The following PLSCR4 variants were observed in gnomAD, a reference collection of about 807,000 sequenced individuals.
PLSCR4 encodes Ca(2+)-dependent phospholipid scramblase 4.
Under a neutral mutation model 36.3 loss-of-function variants are expected in PLSCR4, and 25 were observed. The observed-to-expected ratio is 0.69, with a 90% CI of 0.50 to 0.96. The LOEUF (loss-of-function observed/expected upper bound fraction) is 0.96, where lower values mean the gene tolerates loss of function less well. PLSCR4 is among the 40% of genes least tolerant of loss of function. The probability of loss-of-function intolerance (pLI) is 0.00; values close to 1 mark genes in which losing one functional copy is unlikely to be tolerated. For synonymous variants in PLSCR4, 122 were observed against 132.9 expected (o/e 0.92, Z 0.56); for missense variants, 408 against 414.7 (o/e 0.98, Z 0.14).
At chr3:146,225,563 C>A (rs57294001) in intron 1 of PLSCR4, among the ~76,000 whole-genome samples, 1 of 151,816 alleles carries the variant, frequency 6.6e-6, no homozygotes, top group Non-Finnish European at 1.5e-5. Flanking sequence ...GCAGCAGGTC[C>A]CGAGCCCCGC....
chr3:146,221,901 T>C (rs1351261727), intron 2 of PLSCR4, among the ~76,000 whole-genome samples, 164 bp downstream of exon 2: 1 of 151,844 alleles, frequency 6.6e-6, no homozygotes, highest in Non-Finnish European at 1.5e-5. Context: ...TATACATAAA[T>C]AACAAATATA....
chr3:146,219,016 C>T (rs2035017565), intron 3 of PLSCR4, among the ~76,000 whole-genome samples: 1 of 152,138 alleles, frequency 6.6e-6, no homozygotes, highest in Non-Finnish European at 1.5e-5. Flanking sequence ...AATTCAAGTA[C>T]AGATTTCAAG....
At chr3:146,224,100 A>T (rs2035319054) in intron 1 of PLSCR4, among the ~76,000 whole-genome samples, 1 of 151,934 alleles carries the variant, frequency 6.6e-6, no homozygotes, top group Admixed American at 6.6e-5. Context: ...ACAGCTTTCT[A>T]GAAATTTAGA....
intron 1 of PLSCR4, among the ~76,000 whole-genome samples, chr3:146,228,602 T>C (rs1047296416): frequency 3.9e-5 from 6 of 152,190 alleles, no homozygotes; most frequent in African/African-American, 7.2e-5. Flanking sequence ...ACAATACTTA[T>C]ATTATTCAGA....
At chr3:146,221,109 C>A (rs1425389799) in intron 2 of PLSCR4, among the ~76,000 whole-genome samples, 184 bp from the exon 3 acceptor site, 1 of 152,092 alleles carries the variant, frequency 6.6e-6, no homozygotes, top group South Asian at 2.1e-4. Flanking sequence ...CATGAATTTT[C>A]AAACTGAACA....
In PLSCR4 at chr3:146,194,369, A is replaced by AT; in HGVS notation, c.*41dup. ...ACTGTAAGCCCAATCCAACTTTTCCATTTTTCAAAATTAACCATAGTTGAT... is the reference window on the plus strand; with the variant it reads ...ACTGTAAGCCCAATCCAACTTTTCCATTTTTTCAAAATTAACCATAGTTGAT... On this transcript the variant is annotated 3_prime_UTR_variant, in exon 9 of 9. Transcript: ENST00000354952. The AT allele has an allele frequency of 6.9e-7, 1 of 1,443,980 alleles. No homozygotes were observed. Among genetic ancestry groups the AT allele is most frequent in the Non-Finnish European group, 9.7e-7 (1 of 1,026,756 alleles). 89.4% of individuals were successfully genotyped at this position (1,443,980 alleles called of 1,614,324 possible).
At chr3:146,249,426 T>A (rs1313420517) in intron 1 of PLSCR4, among the ~76,000 whole-genome samples, 1 of 152,118 alleles carries the variant, frequency 6.6e-6, no homozygotes, top group African/African-American at 2.4e-5. Context: ...CACCCAGTGA[T>A]TTAAAATGTA....
At chr3:146,229,948 G>T (rs2035640441) in intron 1 of PLSCR4, among the ~76,000 whole-genome samples, 1 of 152,222 alleles carries the variant, frequency 6.6e-6, no homozygotes, top group Non-Finnish European at 1.5e-5. Context: ...ATAATAAAAT[G>T]TTAATTGTAA....
intron 1 of PLSCR4, among the ~76,000 whole-genome samples, chr3:146,243,236 A>G (rs562208348): frequency 6.6e-6 from 1 of 151,968 alleles, no homozygotes; most frequent in African/African-American, 2.4e-5. Context: ...AACTGTATAC[A>G]TCTTTTTTTT....
At chr3:146,246,340 T>C (rs2036337683) in intron 1 of PLSCR4, among the ~76,000 whole-genome samples, 1 of 152,090 alleles carries the variant, frequency 6.6e-6, no homozygotes, top group Non-Finnish European at 1.5e-5. Context: ...ATATATTTAT[T>C]ATTTTATTAA....
chr3:146,210,986 G>T (rs1039056533), intron 3 of PLSCR4, among the ~76,000 whole-genome samples: 1 of 151,928 alleles, frequency 6.6e-6, no homozygotes, highest in African/African-American at 2.4e-5. Context: ...TCAGTCAATG[G>T]ACATTTAGGT....
rs368949018 is a variant in PLSCR4 at position 146,196,666 on chromosome 3, G to A, written c.752C>T (p.Ser251Leu). 3.0e-5 allele frequency: 48 copies of A among 1,613,804 alleles called. No individual in the cohort carries two copies. Among genetic ancestry groups the A allele is most frequent in the Non-Finnish European group, 3.7e-5 (44 of 1,179,884 alleles). ...ENVMRVRGPCSTYGCGSDSVF... is the reference protein window; with the variant it reads ...ENVMRVRGPCLTYGCGSDSVF... Reference sequence around the variant, plus strand: ...AGAATCTGAACCACAGCCATAGGTTGAGCATGGCCCACGAACTCTCATCAC... The same window carrying A: ...AGAATCTGAACCACAGCCATAGGTTAAGCATGGCCCACGAACTCTCATCAC... The change falls in exon 7 of 9, where the codon TCA becomes TTA. Residue 251 changes from serine (S) to leucine (L), a missense_variant. By Grantham distance (145) the Ser-to-Leu change is moderately radical. Coordinates refer to ENST00000354952, the MANE Select transcript of PLSCR4 (RefSeq NM_020353.3).
intron 3 of PLSCR4, among the ~76,000 whole-genome samples, chr3:146,215,104 G>A (rs1311599659): frequency 2.0e-5 from 3 of 151,858 alleles, no homozygotes; most frequent in Admixed American, 2.0e-4. Flanking sequence ...CTAAGTTTGA[G>A]AAACTCTGTT....
intron 1 of PLSCR4, among the ~76,000 whole-genome samples, chr3:146,233,124 T>C (rs79827091): frequency 0.017 from 2,558 of 152,230 alleles, 77 homozygotes; most frequent in African/African-American, 0.058. Context: ...ACATGGGAGA[T>C]AGTTCCTTTG....
At position 146,194,068 on chromosome 3, in the gene PLSCR4, A is replaced by T. The variant is rs1305924226; in HGVS notation, c.*343T>A. On this transcript the variant is annotated 3_prime_UTR_variant, in exon 9 of 9. Transcript: ENST00000354952. ...ATTTTATGCCAACAAAGTCTGCTCTAAAAAGCCTTATTGTTTCACTACCTA... is the reference window on the plus strand; with the variant it reads ...ATTTTATGCCAACAAAGTCTGCTCTTAAAAGCCTTATTGTTTCACTACCTA... The T allele has an allele frequency of 5.3e-6, 1 of 189,298 alleles. No individual in the cohort carries two copies. Among genetic ancestry groups the T allele is most frequent in the Admixed American group, 6.0e-5 (1 of 16,580 alleles). 11.7% of individuals were successfully genotyped at this position (189,298 alleles called of 1,614,324 possible). A position where few individuals can be genotyped will look rare whatever the true frequency, so the allele number is the denominator to read the frequency against.
At chr3:146,199,201 A>T (rs1247113239) in intron 6 of PLSCR4, among the ~76,000 whole-genome samples, 1 of 152,140 alleles carries the variant, frequency 6.6e-6, no homozygotes. Flanking sequence ...AGTAGGTGAC[A>T]TATCTAGAAT....
chr3:146,219,934 C>G (rs2108287281), intron 3 of PLSCR4, among the ~76,000 whole-genome samples: 1 of 152,056 alleles, frequency 6.6e-6, no homozygotes, highest in African/African-American at 2.4e-5. Flanking sequence ...GACTGAAACT[C>G]CATCTCAAAA....
At chr3:146,245,177 T>C (rs1308730822) in intron 1 of PLSCR4, among the ~76,000 whole-genome samples, 3 of 152,060 alleles carry the variant, frequency 2.0e-5, no homozygotes, top group Non-Finnish European at 4.4e-5. Flanking sequence ...ATTGCTTCTA[T>C]GGATAAGGAA....
intron 3 of PLSCR4, among the ~76,000 whole-genome samples, chr3:146,213,982 A>AT (rs1216288180): frequency 6.6e-6 from 1 of 151,928 alleles, no homozygotes; most frequent in Non-Finnish European, 1.5e-5. Flanking sequence ...CAAATAACAA[A>AT]TTTTTGGTTT....
Sources: gnomAD v4.1 joint callset for allele counts (sites outside exome capture counted in the v4.1 genomes callset) on GRCh38, gnomAD v4.1.1 for gene constraint, MANE v1.5 for transcripts, NCBI Gene and HGNC (gene_info 2026-07-23, HGNC 2026-07-21) for gene names.